The following ENOSF1 variants were observed in gnomAD, a reference collection of about 807,000 sequenced individuals.
The protein encoded by ENOSF1 is mitochondrial enolase superfamily member 1.
ENOSF1 carries 73 observed loss-of-function variants against 68.2 expected under a neutral mutation model. The observed-to-expected ratio is 1.07, with a 90% CI of 0.89 to 1.30. The LOEUF (loss-of-function observed/expected upper bound fraction) is 1.30, where lower values mean the gene tolerates loss of function less well. Ranked by LOEUF, ENOSF1 falls within the 50% of genes most tolerant of loss-of-function variation. The probability of loss-of-function intolerance (pLI) is 0.00; values close to 1 mark genes in which losing one functional copy is unlikely to be tolerated. For synonymous variants in ENOSF1, 223 were observed against 210.4 expected (o/e 1.06, Z -0.52); for missense variants, 589 against 554.5 (o/e 1.06, Z -0.62).
Position 670,780 on chromosome 18 carries a change from A to G in ENOSF1, c.*3525T>C. 6.2e-7 allele frequency: 1 copy of G among 1,614,000 alleles called. No individual in the cohort carries two copies. The highest frequency in any genetic ancestry group is 2.2e-5 in the East Asian group (1 of 44,870). ...AGCTGTCCTGCCAGCTGTACCAGAG[A>G]TCGGGAGACATGGGCCTCGGTGTGC... is the stretch of plus-strand genomic sequence containing the variant. On this transcript the variant is annotated 3_prime_UTR_variant, in exon 16 of 16. Transcript: ENST00000647584.
chr18:684,382 G>C (rs2144789045), intron 10 of ENOSF1, among the ~76,000 whole-genome samples: 1 of 152,054 alleles, frequency 6.6e-6, no homozygotes, highest in East Asian at 1.9e-4. Context: ...ACAAAAATTA[G>C]CTGGGTGTGG....
rs939654712 is a variant in ENOSF1 at position 683,620 on chromosome 18, A to G, written c.742-240T>C. ...GGAGCCGTGAATCGCTTGAGGAGCC[A>G]CTGGATGTCCAGCAGTGCCCTGGGC... is the stretch of plus-strand genomic sequence containing the variant. On this transcript the variant is annotated intron_variant, in intron 10 of 15. Coordinates refer to ENST00000647584, the MANE Select transcript of ENOSF1 (RefSeq NM_017512.7). 5.9e-5 allele frequency among the ~76,000 whole-genome samples: 9 copies of G among 152,042 alleles called. No homozygotes were observed. The South Asian group carries it at 1.7e-3, about 28-fold the overall frequency.
chr18:708,533 A>T (rs933891638), intron 1 of ENOSF1, among the ~76,000 whole-genome samples: 32 of 151,596 alleles, frequency 2.1e-4, no homozygotes, highest in Admixed American at 6.6e-5. Flanking sequence ...AGACATGGTT[A>T]AAAAAAAACC....
chr18:677,652 C>T, intron 13 of ENOSF1, 91 bp downstream of exon 13: 1 of 1,494,148 alleles, frequency 6.7e-7, no homozygotes, highest in Non-Finnish European at 9.0e-7. Context: ...AAACTACAGA[C>T]TCCCATGCAT....
At chr18:712,237 T>G in intron 1 of ENOSF1, 1 of 1,508,408 alleles carries the variant, frequency 6.6e-7, no homozygotes, top group Non-Finnish European at 8.9e-7. Context: ...GAAAAGCGAG[T>G]GTCTCCCCCA....
At chr18:668,135 G>A (rs112458419), downstream of ENOSF1, among the ~76,000 whole-genome samples, 8 of 151,742 alleles carry the variant, frequency 5.3e-5, no homozygotes, top group Non-Finnish European at 1.0e-4. Context: ...CTAGTTTTAC[G>A]TGCACTTGTG....
intron 1 of ENOSF1, among the ~76,000 whole-genome samples, chr18:709,400 C>G (rs2079273838): frequency 6.6e-6 from 1 of 152,128 alleles, no homozygotes; most frequent in African/African-American, 2.4e-5. Context: ...GAAAACGTAT[C>G]TGAGGGTAAG....
intron 14 of ENOSF1, chr18:675,623 A>T: frequency 1.8e-6 from 1 of 550,980 alleles, no homozygotes; most frequent in South Asian, 2.3e-5. Context: ...TGACATGAAC[A>T]CACGAAGTCC....
chr18:695,488 G>A (rs2077620755), intron 3 of ENOSF1, among the ~76,000 whole-genome samples: 1 of 152,134 alleles, frequency 6.6e-6, no homozygotes, highest in Admixed American at 6.6e-5. Flanking sequence ...ATTAATTGTA[G>A]CTATGACAGT....
chr18:704,605 C>CTTTTTTTTTTTTTT (rs367666026), intron 2 of ENOSF1, among the ~76,000 whole-genome samples: 1 of 135,310 alleles, frequency 7.4e-6, no homozygotes, highest in Non-Finnish European at 1.6e-5. Context: ...TCTTCTGTAT[C>CTTTTTTTTTTTTTT]TTTTTTCTTT....
At position 673,430 on chromosome 18, in the gene ENOSF1, T is replaced by A; in HGVS notation, c.*875A>T. 1 of 205,964 alleles carries A rather than the reference T, an allele frequency of 4.9e-6. No individual in the cohort carries two copies. Among genetic ancestry groups the A allele is most frequent in the East Asian group, 7.5e-5 (1 of 13,386 alleles). 12.8% of individuals were successfully genotyped at this position (205,964 alleles called of 1,614,324 possible). A position where few individuals can be genotyped will look rare whatever the true frequency, so the allele number is the denominator to read the frequency against. ...TAACACCATCGATCATGATGTAGAG[T>A]GTGGTTATGAACTTTAAAGTTATAG... On this transcript the variant is annotated 3_prime_UTR_variant, in exon 16 of 16. Transcript: ENST00000647584.
chr18:696,997 G>A (rs1034523575), intron 3 of ENOSF1, among the ~76,000 whole-genome samples: 1 of 151,968 alleles, frequency 6.6e-6, no homozygotes, highest in Non-Finnish European at 1.5e-5. Context: ...CATGCCTGTA[G>A]TCCCAGCTAC....
intron 1 of ENOSF1, among the ~76,000 whole-genome samples, chr18:709,389 G>T (rs151099232): frequency 6.6e-6 from 1 of 152,144 alleles, no homozygotes; most frequent in Non-Finnish European, 1.5e-5. Flanking sequence ...AGCCGACAGC[G>T]GAAAACGTAT....
Position 671,244 on chromosome 18 carries a change from CA to C in ENOSF1, c.*3060del. ...GCAACATAACAAGATGCTGTTGCTA[CA>C]AAAAAATGGAAAAGCTACACTAAAT... On this transcript the variant is annotated 3_prime_UTR_variant, in exon 16 of 16. Coordinates refer to ENST00000647584, the MANE Select transcript of ENOSF1 (RefSeq NM_017512.7). 5 of 697,444 alleles carry C rather than the reference CA, an allele frequency of 7.2e-6. No individual in the cohort carries two copies. The highest frequency in any genetic ancestry group is 1.7e-5 in the South Asian group (1 of 59,610). The allele number at this position is 697,444 out of a possible 1,614,324, so 43.2% of individuals were successfully genotyped here.
chr18:692,883 A>C (rs1266197187), intron 5 of ENOSF1: 1 of 1,104,182 alleles, frequency 9.1e-7, no homozygotes, highest in Admixed American at 4.3e-5. Flanking sequence ...TTTCCTCCGG[A>C]GGAGGAGCAG....
chr18:700,077 T>C (rs1484989201), intron 2 of ENOSF1, among the ~76,000 whole-genome samples: 2 of 152,098 alleles, frequency 1.3e-5, no homozygotes, highest in Non-Finnish European at 2.9e-5. Flanking sequence ...CGAAACTCCA[T>C]CTCAAGAAAA....
At chr18:667,499 AGATGGTGATGGTGATGGTGATGGT>A (rs1408203595), downstream of ENOSF1, among the ~76,000 whole-genome samples, 335 of 10,184 alleles carry the variant, frequency 0.033, 84 homozygotes, top group Non-Finnish European at 0.038. Context: ...ATGGTGATGG[AGATGGTGATGGTGATGGTGATGGT>A]GATGGAGATG....
chr18:680,443 G>A (rs1256260634), intron 11 of ENOSF1, among the ~76,000 whole-genome samples: 3 of 152,176 alleles, frequency 2.0e-5, no homozygotes, highest in Non-Finnish European at 4.4e-5. Context: ...AGCATATATG[G>A]CAGACTAGGG....
intron 14 of ENOSF1, among the ~76,000 whole-genome samples, chr18:677,116 A>T (rs2075592164): frequency 6.6e-6 from 1 of 152,212 alleles, no homozygotes; most frequent in Admixed American, 6.5e-5. Flanking sequence ...CTTACCTTCA[A>T]TGTACTTAAA....
Sources: gnomAD v4.1 joint callset for allele counts (sites outside exome capture counted in the v4.1 genomes callset) on GRCh38, gnomAD v4.1.1 for gene constraint, MANE v1.5 for transcripts, NCBI Gene and HGNC (gene_info 2026-07-23, HGNC 2026-07-21) for gene names.